Variants in MEGF10 observed in about 807,000 individuals in gnomAD.
MEGF10 encodes multiple EGF like domains 10.
Under a neutral mutation model 147.5 loss-of-function variants are expected in MEGF10, and 86 were observed. The ratio of observed to expected loss-of-function variants is 0.58; its 90% CI spans 0.49 to 0.70. The LOEUF (loss-of-function observed/expected upper bound fraction) is 0.70. MEGF10 is among the 30% of genes least tolerant of loss of function. MEGF10 has a pLI of 0.00. For missense variants in MEGF10, 1,329 were observed against 1,487.3 expected (o/e 0.89, Z 1.75); for synonymous variants, 478 against 525.5 (o/e 0.91, Z 1.24).
At chr5:127,339,041 TACAA>T in intron 2 of MEGF10, 75 bp from the exon 3 acceptor site, 1 of 811,666 alleles carries the variant, frequency 1.2e-6, no homozygotes, top group Non-Finnish European at 1.8e-6. Context: ...TAATTTAGCT[TACAA>T]ACTTTTAAAT....
intron 5 of MEGF10, among the ~76,000 whole-genome samples, chr5:127,380,982 T>G (rs889941406): frequency 2.0e-5 from 3 of 152,210 alleles, no homozygotes; most frequent in Non-Finnish European, 2.9e-5. Context: ...AAAATTATAA[T>G]GTAAACATCA....
chr5:127,329,787 T>A (rs556256025), intron 1 of MEGF10, among the ~76,000 whole-genome samples: 46 of 152,312 alleles, frequency 3.0e-4, no homozygotes, highest in African/African-American at 1.1e-3. Flanking sequence ...TGATTTCTAA[T>A]TTTGTATCCA....
intron 4 of MEGF10, among the ~76,000 whole-genome samples, chr5:127,369,488 AT>A (rs1762773393): frequency 6.6e-6 from 1 of 152,202 alleles, no homozygotes; most frequent in Non-Finnish European, 1.5e-5. Flanking sequence ...TGTAAAAAAA[AT>A]CATAATACAT....
At chr5:127,264,756 A>G in the MEGF10 span, among the ~76,000 whole-genome samples, 1 of 152,148 alleles carries the variant, frequency 6.6e-6, no homozygotes, top group Non-Finnish European at 1.5e-5. Flanking sequence ...AGAAAAATAA[A>G]GAAAAAGGGT....
At chr5:127,307,825 C>G (rs1433956069) in intron 1 of MEGF10, among the ~76,000 whole-genome samples, 2 of 152,212 alleles carry the variant, frequency 1.3e-5, no homozygotes, top group African/African-American at 4.8e-5. Flanking sequence ...AGTCTGTTTT[C>G]TGTTTGCCAA....
In MEGF10 at chr5:127,442,241, A is replaced by G. The variant is rs2127018402; in HGVS notation, c.2363-757A>G. The stretch of plus-strand genomic sequence containing the variant: ...AGACTTCTCCCAATGCTTATTTGTA[A>G]ACAGAAACCCTGTGTTTGACAGAGA... On this transcript the variant is annotated intron_variant, in intron 18 of 24. Coordinates refer to ENST00000503335, the MANE Select transcript of MEGF10 (RefSeq NM_001256545.2). Among the ~76,000 whole-genome samples the G allele has an allele frequency of 4.6e-5, 7 of 152,340 alleles. No homozygotes were observed. In the South Asian group the frequency reaches 1.4e-3, roughly 32 times the overall value.
At chr5:127,291,458 T>C (rs929654908) in intron 1 of MEGF10, among the ~76,000 whole-genome samples, 20 of 152,294 alleles carry the variant, frequency 1.3e-4, no homozygotes, top group Admixed American at 4.6e-4. Flanking sequence ...TCTAGGTCAG[T>C]TGAACTTCCT....
chr5:127,433,349 G>C lies in MEGF10; in HGVS notation c.1694-14G>C. ...TGCCTCTCACTCAGCCTTGCCCCAT[G>C]TGCATTATTTCAGGTGTCCACTGTG... On this transcript the variant is annotated splice_polypyrimidine_tract_variant and intron_variant, in intron 13 of 24. Coordinates refer to ENST00000503335, the MANE Select transcript of MEGF10 (RefSeq NM_001256545.2). 1 of 1,614,176 alleles carries C rather than the reference G, an allele frequency of 6.2e-7. No homozygotes were observed. The highest frequency in any genetic ancestry group is 8.5e-7 in the Non-Finnish European group (1 of 1,180,030).
chr5:127,328,058 C>T (rs114739045), intron 1 of MEGF10, among the ~76,000 whole-genome samples: 96 of 152,212 alleles, frequency 6.3e-4, no homozygotes, highest in African/African-American at 2.2e-3. Flanking sequence ...CATCTCAGTG[C>T]CTTTATTAAA....
At chr5:127,254,338 A>G in the MEGF10 span, among the ~76,000 whole-genome samples, 1 of 152,200 alleles carries the variant, frequency 6.6e-6, no homozygotes, top group South Asian at 2.1e-4. Flanking sequence ...TATAGTGTCT[A>G]TATAAATAGC....
chr5:127,292,371 G>A (rs1447683426), intron 1 of MEGF10, among the ~76,000 whole-genome samples: 1 of 152,234 alleles, frequency 6.6e-6, no homozygotes, highest in Admixed American at 6.5e-5. Flanking sequence ...GTTAATGCAT[G>A]TGAAGGACTA....
chr5:127,404,591 G>A (rs184061273), intron 8 of MEGF10, among the ~76,000 whole-genome samples: 1 of 152,188 alleles, frequency 6.6e-6, no homozygotes, highest in East Asian at 1.9e-4. Context: ...GTCATGTCCT[G>A]GAAGACTAGG....
chr5:127,329,734 G>T (rs78707134), intron 1 of MEGF10, among the ~76,000 whole-genome samples: 1 of 151,750 alleles, frequency 6.6e-6, no homozygotes, highest in Non-Finnish European at 1.5e-5. Flanking sequence ...TTACCAACAG[G>T]CAGGTTGGCA....
Position 127,396,693 on chromosome 5 carries a change from C to A in MEGF10, c.574C>A (p.His192Asn), listed in dbSNP as rs779873887. Residue 192 changes from histidine (H) to asparagine (N), a missense_variant, in exon 6 of 25, where the codon CAT becomes AAT. Physicochemically the swap from His to Asn is moderately conservative, Grantham distance 68 (BLOSUM62 1). This residue lies in a region of MEGF10 where 980 missense variants were observed against 1,085.9 expected (regional missense o/e 0.90). Coordinates refer to ENST00000503335, the MANE Select transcript of MEGF10 (RefSeq NM_001256545.2). ...CEQGTYGNDC[H>N]QRCQCQNGAT... is the part of the protein sequence containing the mutation. ...GCAGGGCACCTATGGTAACGACTGT[C>A]ATCAGAGATGCCAGTGCCAGAATGG... The A allele has an allele frequency of 6.2e-7, 1 of 1,614,112 alleles. No homozygotes were observed. The highest frequency in any genetic ancestry group is 8.5e-7 in the Non-Finnish European group (1 of 1,180,034).
At chr5:127,385,564 T>C (rs1763396935) in intron 5 of MEGF10, among the ~76,000 whole-genome samples, 1 of 152,246 alleles carries the variant, frequency 6.6e-6, no homozygotes, top group African/African-American at 2.4e-5. Flanking sequence ...TGAGCCACTG[T>C]GCCGGGCCGA....
At chr5:127,252,019 T>C in the MEGF10 span, among the ~76,000 whole-genome samples, 1 of 151,890 alleles carries the variant, frequency 6.6e-6, no homozygotes, top group Non-Finnish European at 1.5e-5. Context: ...CTACAAAATA[T>C]TCAACCTCAT....
chr5:127,423,969 A>T (rs887043108), intron 13 of MEGF10, among the ~76,000 whole-genome samples: 4 of 152,114 alleles, frequency 2.6e-5, no homozygotes, highest in Admixed American at 2.0e-4. Flanking sequence ...CACAAGATTT[A>T]TGTCCATGTT....
In MEGF10 at chr5:127,341,394, CAG is replaced by C. The variant is rs146007883; in HGVS notation, c.319+770_319+771del. On this transcript the variant is annotated intron_variant, in intron 4 of 24. Coordinates refer to ENST00000503335, the MANE Select transcript of MEGF10 (RefSeq NM_001256545.2). ...GTTGAGATGCTGATGTTGAGTAGCA[CAG>C]AGAGAAGGTTCTGCTGTAATTTGGA... Among the ~76,000 whole-genome samples, 974 of 152,266 alleles carry C rather than the reference CAG, an allele frequency of 6.4e-3. 12 individuals are homozygous for C. Among genetic ancestry groups the C allele is most frequent in the African/African-American group, 0.023 (937 of 41,548 alleles).
At chr5:127,352,944 C>A (rs1762138150) in intron 4 of MEGF10, among the ~76,000 whole-genome samples, 1 of 152,198 alleles carries the variant, frequency 6.6e-6, no homozygotes, top group Non-Finnish European at 1.5e-5. Context: ...CCAGGCCCTT[C>A]CTAGCTCTTG....
Sources: allele counts gnomAD v4.1 joint callset (sites outside exome capture counted in the v4.1 genomes callset), GRCh38; gene constraint gnomAD v4.1.1; regional missense constraint gnomAD v4.1.1; transcripts MANE v1.5; gene names NCBI Gene and HGNC (gene_info 2026-07-23, HGNC 2026-07-21).